Variants in SLC35F3 observed in about 807,000 individuals in gnomAD.
SLC35F3 encodes the protein putative thiamine transporter SLC35F3.
In SLC35F3, 25 loss-of-function variants were observed where a neutral mutation model predicts 49.9. The observed-to-expected ratio is 0.50, with a 90% CI of 0.37 to 0.70. SLC35F3 has a LOEUF of 0.70. SLC35F3 is among the 30% of genes least tolerant of loss of function. The pLI, the probability that SLC35F3 is intolerant of heterozygous loss-of-function variation, is 0.00. For missense variants in SLC35F3, 525 were observed against 639.8 expected (o/e 0.82, Z 1.94); for synonymous variants, 275 against 265.4 (o/e 1.04, Z -0.35).
chr1:234,302,161 TG>T (rs1287373627), intron 3 of SLC35F3, among the ~76,000 whole-genome samples: 1 of 151,768 alleles, frequency 6.6e-6, no homozygotes, highest in African/African-American at 2.4e-5. Context: ...GGGTTGTTGT[TG>T]TTGTTGTTTT....
chr1:234,130,080 C>G (rs1482486216), intron 2 of SLC35F3, among the ~76,000 whole-genome samples: 2 of 152,066 alleles, frequency 1.3e-5, no homozygotes, highest in African/African-American at 4.8e-5. Flanking sequence ...GAAACACAAG[C>G]CATAAACTGC....
At chr1:234,127,575 A>G (rs1665667283) in intron 2 of SLC35F3, among the ~76,000 whole-genome samples, 1 of 152,202 alleles carries the variant, frequency 6.6e-6, no homozygotes, top group African/African-American at 2.4e-5. Context: ...GGCTCTAGGT[A>G]AAATAGAAAT....
intron 2 of SLC35F3, among the ~76,000 whole-genome samples, chr1:234,078,534 C>A (rs564594325): frequency 6.6e-6 from 1 of 152,336 alleles, no homozygotes; most frequent in South Asian, 2.1e-4. Context: ...CTGAAGGAAT[C>A]CTCTCCATTG....
chr1:234,322,651 G>GTGTA (rs1657649252), intron 7 of SLC35F3, among the ~76,000 whole-genome samples: 1 of 12,540 alleles, frequency 8.0e-5, no homozygotes, highest in Non-Finnish European at 1.2e-4. Flanking sequence ...GGTCAAATGC[G>GTGTA]TGTGTGTGTG....
intron 2 of SLC35F3, among the ~76,000 whole-genome samples, chr1:233,955,600 C>T (rs372557531): frequency 6.6e-6 from 1 of 152,056 alleles, no homozygotes; most frequent in African/African-American, 2.4e-5. Flanking sequence ...CTTCTGCCCC[C>T]CTGTCTTGCT....
intron 2 of SLC35F3, among the ~76,000 whole-genome samples, chr1:234,094,689 A>G (rs1164589404): frequency 1.3e-5 from 2 of 152,226 alleles, no homozygotes; most frequent in African/African-American, 2.4e-5. Context: ...TTTCTGAAGT[A>G]TATGGCATTA....
chr1:234,193,959 T>C lies in SLC35F3; in HGVS notation c.284-37458T>C, dbSNP rs183072791. ...AAGCAAAAAATAATAGATGTTGGCA[T>C]GGATATGGTGAAAAGGGAACACTTC... On this transcript the variant is annotated intron_variant, in intron 2 of 7. Coordinates refer to ENST00000366618, the MANE Select transcript of SLC35F3 (RefSeq NM_173508.4). Among the ~76,000 whole-genome samples the C allele has an allele frequency of 3.3e-5, 5 of 152,296 alleles. No homozygotes were observed. The East Asian group carries it at 7.7e-4, about 23-fold the overall frequency.
chr1:234,020,179 A>ATTG (rs2102842448), intron 2 of SLC35F3, among the ~76,000 whole-genome samples: 1 of 151,996 alleles, frequency 6.6e-6, no homozygotes, highest in South Asian at 2.1e-4. Context: ...TGTCTACCTT[A>ATTG]TTGTTATATT....
chr1:234,058,328 A>AT (rs56960667), intron 2 of SLC35F3, among the ~76,000 whole-genome samples: 9,492 of 39,506 alleles, frequency 0.24, 3,149 homozygotes, highest in East Asian at 0.62. Flanking sequence ...ATGTTCCTGA[A>AT]TTTTTTTTTT....
At chr1:234,269,296 CATG>C (rs1295908794) in intron 3 of SLC35F3, among the ~76,000 whole-genome samples, 6 of 152,090 alleles carry the variant, frequency 3.9e-5, no homozygotes, top group Admixed American at 2.0e-4. Flanking sequence ...ATTATCAAAC[CATG>C]ATTACTGAGA....
intron 2 of SLC35F3, among the ~76,000 whole-genome samples, chr1:234,097,136 A>G (rs1001301194): frequency 6.6e-6 from 1 of 152,086 alleles, no homozygotes; most frequent in East Asian, 1.9e-4. Flanking sequence ...TGATCTGCCC[A>G]CCTCAGCCTC....
chr1:234,076,022 T>C (rs1664786800), intron 2 of SLC35F3, among the ~76,000 whole-genome samples: 1 of 152,194 alleles, frequency 6.6e-6, no homozygotes. Flanking sequence ...TTTCTGTGAT[T>C]CCATGTTATT....
chr1:234,323,018 C>A lies in SLC35F3; in HGVS notation c.1248C>A (p.His416Gln). The A allele has an allele frequency of 1.9e-6, 3 of 1,613,826 alleles. No homozygotes were observed. The highest frequency in any genetic ancestry group is 2.5e-6 in the Non-Finnish European group (3 of 1,179,966). The change falls in exon 8 of 8, where the codon CAC becomes CAA. Residue 416 changes from histidine to glutamine, a missense_variant. Physicochemically the swap from His to Gln is conservative, Grantham distance 24. Coordinates refer to ENST00000366618, the MANE Select transcript of SLC35F3 (RefSeq NM_173508.4). The surrounding 1 kb of genome is among the most constrained non-coding windows in gnomAD (Gnocchi z 4.5). ...CTCTGTCTCCCACAGTGATTGATCA[C>A]TACACCAGTCAGATCGTCTTCAATG... is the stretch of plus-strand genomic sequence containing the variant. ...LSIPVNAVID[H>Q]YTSQIVFNGV...
chr1:234,263,555 A>T (rs983181105), intron 3 of SLC35F3, among the ~76,000 whole-genome samples: 1 of 152,184 alleles, frequency 6.6e-6, no homozygotes, highest in African/African-American at 2.4e-5. Flanking sequence ...GAGCAAGAAC[A>T]TGAGTACCAC....
At chr1:234,028,946 G>T (rs1434646588) in intron 2 of SLC35F3, among the ~76,000 whole-genome samples, 2 of 152,206 alleles carry the variant, frequency 1.3e-5, no homozygotes, top group Non-Finnish European at 2.9e-5. Flanking sequence ...TTTCCGTGGG[G>T]AGCTGAAGAC....
At chr1:234,226,695 C>T (rs141782416) in intron 2 of SLC35F3, among the ~76,000 whole-genome samples, 1 of 152,282 alleles carries the variant, frequency 6.6e-6, no homozygotes, top group East Asian at 1.9e-4. Context: ...ACCTGAGTTT[C>T]CTTCTGCTGT....
At position 234,268,357 on chromosome 1, in the gene SLC35F3, T is replaced by G. The variant is rs1357796053; in HGVS notation, c.608+36616T>G. The stretch of plus-strand genomic sequence containing the variant: ...GCAATCGCACGCACTCGGCAGGCTG[T>G]CAGGAGAATCAGGCAGGGAGGTTGC... On this transcript the variant is annotated intron_variant, in intron 3 of 7. Coordinates refer to ENST00000366618, the MANE Select transcript of SLC35F3 (RefSeq NM_173508.4). 6.7e-5 allele frequency among the ~76,000 whole-genome samples: 9 copies of G among 133,624 alleles called. No homozygotes were observed. In the East Asian group the frequency reaches 7.0e-4, roughly 10 times the overall value. The allele number at this position is 133,624 out of a possible 152,430, so 87.7% of individuals were successfully genotyped here.
intron 2 of SLC35F3, among the ~76,000 whole-genome samples, chr1:234,220,924 GA>G (rs571025719): frequency 1.3e-5 from 2 of 152,210 alleles, no homozygotes; most frequent in Non-Finnish European, 2.9e-5. Flanking sequence ...GTGGCAGAAA[GA>G]GGTGGTGAAG....
intron 2 of SLC35F3, among the ~76,000 whole-genome samples, chr1:234,097,619 C>G (rs988827353): frequency 2.0e-5 from 3 of 152,136 alleles, no homozygotes; most frequent in African/African-American, 4.8e-5. Flanking sequence ...CCTCCCTCAT[C>G]TGGGGGAGAA....
Sources: gnomAD v4.1 joint callset for allele counts (sites outside exome capture counted in the v4.1 genomes callset) on GRCh38, gnomAD v4.1.1 for gene constraint, Gnocchi (gnomAD v3.1) non-coding constraint, MANE v1.5 for transcripts, NCBI Gene and HGNC (gene_info 2026-07-23, HGNC 2026-07-21) for gene names.